DPYSL3: variants seen among roughly 807,000 people sequenced by gnomAD.
DPYSL3 encodes dihydropyrimidinase-related protein 3.
In DPYSL3, 16 loss-of-function variants were observed where a neutral mutation model predicts 66.1. That is an observed-to-expected ratio of 0.24 (90% CI 0.16 to 0.37). The LOEUF is 0.37. DPYSL3 is among the 10% of genes least tolerant of loss of function. DPYSL3 has a pLI of 1.00. For missense variants in DPYSL3, 738 were observed against 916.2 expected, an observed-to-expected ratio of 0.81 and a Z score of 2.51; for synonymous variants, 338 against 345.1, an observed-to-expected ratio of 0.98 and a Z score of 0.23.
intron 1 of DPYSL3, among the ~76,000 whole-genome samples, chr5:147,458,408 A>C (rs1181340269): frequency 6.6e-6 from 1 of 152,218 alleles, no homozygotes. Context: ...GGAGGCATGA[A>C]TAATCCACCC....
At chr5:147,506,462 T>A (rs1445692370) in intron 1 of DPYSL3, among the ~76,000 whole-genome samples, 2 of 152,146 alleles carry the variant, frequency 1.3e-5, no homozygotes, top group African/African-American at 4.8e-5. Context: ...CACTTCGCCA[T>A]GGTCATATCC....
chr5:147,429,015 C>T (rs566073960), intron 1 of DPYSL3, among the ~76,000 whole-genome samples: 3 of 152,302 alleles, frequency 2.0e-5, no homozygotes, highest in African/African-American at 7.2e-5. Flanking sequence ...TGGGCCTCTT[C>T]ACCTTCTGTT....
intron 1 of DPYSL3, among the ~76,000 whole-genome samples, chr5:147,487,430 T>G (rs1753350533): frequency 6.6e-6 from 1 of 152,162 alleles, no homozygotes; most frequent in Non-Finnish European, 1.5e-5. Context: ...TACCTCAAAT[T>G]TTGGAATCTT....
chr5:147,396,572 A>C (rs1757980349), intron 12 of DPYSL3, among the ~76,000 whole-genome samples: 1 of 152,158 alleles, frequency 6.6e-6, no homozygotes, highest in Admixed American at 6.5e-5. Flanking sequence ...CTTCCCTGTT[A>C]GTGACTCAAA....
intron 1 of DPYSL3, among the ~76,000 whole-genome samples, chr5:147,432,357 G>A (rs905333391): frequency 6.6e-6 from 1 of 152,198 alleles, no homozygotes; most frequent in African/African-American, 2.4e-5. Context: ...TGGCTGCTCT[G>A]TTGTCTGAAC....
intron 12 of DPYSL3, among the ~76,000 whole-genome samples, chr5:147,396,837 A>G (rs1757989606): frequency 6.8e-6 from 1 of 147,094 alleles, no homozygotes; most frequent in Non-Finnish European, 1.5e-5. Context: ...ATACAAACAC[A>G]TATATATACG....
At chr5:147,401,725 T>C in intron 8 of DPYSL3, 29 bp from the exon 9 acceptor site, 2 of 1,613,386 alleles carry the variant, frequency 1.2e-6, no homozygotes, top group South Asian at 2.2e-5. Flanking sequence ...AGACAAGGGG[T>C]TAGCATAAAG....
intron 8 of DPYSL3, among the ~76,000 whole-genome samples, chr5:147,402,432 C>T (rs188129302): frequency 0.018 from 2,433 of 135,632 alleles, 67 homozygotes; most frequent in Non-Finnish European, 0.023. Flanking sequence ...ACTGCAAGCT[C>T]CGCCTCCCGG....
At chr5:147,495,549 G>C (rs1166354059) in intron 1 of DPYSL3, among the ~76,000 whole-genome samples, 1 of 152,140 alleles carries the variant, frequency 6.6e-6, no homozygotes, top group Non-Finnish European at 1.5e-5. Flanking sequence ...CTTCAGCAAA[G>C]TCTCAGGATA....
chr5:147,394,178 G>A, intron 13 of DPYSL3, 55 bp from the exon 14 acceptor site: 1 of 1,573,588 alleles, frequency 6.4e-7, no homozygotes, highest in Non-Finnish European at 8.7e-7. Flanking sequence ...GGCGGGTAGG[G>A]GGATGTGGGC....
intron 1 of DPYSL3, among the ~76,000 whole-genome samples, chr5:147,465,906 A>G (rs1024155558): frequency 6.6e-6 from 1 of 152,132 alleles, no homozygotes; most frequent in Non-Finnish European, 1.5e-5. Context: ...CGATCCAGGA[A>G]CACTCCCGAA....
chr5:147,444,565 C>G (rs1261045507), intron 1 of DPYSL3, among the ~76,000 whole-genome samples: 1 of 152,118 alleles, frequency 6.6e-6, no homozygotes, highest in Non-Finnish European at 1.5e-5. Flanking sequence ...GTTTTTGGTT[C>G]CATGAATATA....
Position 147,397,897 on chromosome 5 carries a change from C to A in DPYSL3, c.1624-52G>T, listed in dbSNP as rs375080336. ...CACAGTAAGGGTAGAGAAAGAGGAA[C>A]GTACCTTCTCTCCTTGAGACCTTCA... On this transcript the variant is annotated intron_variant, in intron 11 of 13. Coordinates refer to ENST00000343218, the MANE Select transcript of DPYSL3 (RefSeq NM_001197294.2). The A allele has an allele frequency of 5.0e-5, 41 of 812,268 alleles. No homozygotes were observed. In the African/African-American group the frequency reaches 7.4e-4, roughly 15 times the overall value. 50.3% of individuals were successfully genotyped at this position (812,268 alleles called of 1,614,324 possible). A position where few individuals can be genotyped will look rare whatever the true frequency, so the allele number is the denominator to read the frequency against.
At chr5:147,476,400 T>C (rs7734086) in intron 1 of DPYSL3, among the ~76,000 whole-genome samples, 82,302 of 151,908 alleles carry the variant, frequency 0.54, 23,005 homozygotes, top group African/African-American at 0.67. Context: ...ATCATTTAGT[T>C]CTTCCAATGC....
chr5:147,453,570 C>T (rs201601413), intron 1 of DPYSL3: 2 of 1,540,586 alleles, frequency 1.3e-6, no homozygotes, highest in Non-Finnish European at 1.8e-6. Flanking sequence ...GGATGTTCTT[C>T]TTGCCTTGGT....
At chr5:147,405,165 C>A (rs78799738) in intron 8 of DPYSL3, among the ~76,000 whole-genome samples, 2 of 152,140 alleles carry the variant, frequency 1.3e-5, no homozygotes, top group Admixed American at 1.3e-4. Context: ...ACACCTAATA[C>A]CATTGTTGAG....
Position 147,467,785 on chromosome 5 carries a change from G to A in DPYSL3, c.381+41693C>T, listed in dbSNP as rs116730769. Among the ~76,000 whole-genome samples, 267 of 152,280 alleles carry A rather than the reference G, an allele frequency of 1.8e-3. 1 individual carries two copies. The highest frequency in any genetic ancestry group is 2.6e-3 in the Admixed American group (40 of 15,296). On this transcript the variant is annotated intron_variant, in intron 1 of 13. Coordinates refer to ENST00000343218, the MANE Select transcript of DPYSL3 (RefSeq NM_001197294.2). ...GCTATAACAAAATATCTTAGACTGC[G>A]TAATGTACAAACAACAGAAATTTAT... is the stretch of plus-strand genomic sequence containing the variant.
intron 10 of DPYSL3, among the ~76,000 whole-genome samples, 174 bp downstream of exon 10, chr5:147,400,518 C>T (rs886828796): frequency 1.3e-5 from 2 of 152,206 alleles, no homozygotes; most frequent in Non-Finnish European, 2.9e-5. Context: ...GGATTCATCA[C>T]ACTAGAAGGA....
chr5:147,435,725 A>G lies in DPYSL3; in HGVS notation c.382-10762T>C, dbSNP rs1752402344. On this transcript the variant is annotated intron_variant, in intron 1 of 13. Transcript: ENST00000343218. ...TAGAAACAGCAAGTGGCAGGGGGAA[A>G]AAAAACAAAACAAAATAAGAAAAGA... Among the ~76,000 whole-genome samples, 3 of 152,356 alleles carry G rather than the reference A, an allele frequency of 2.0e-5. No individual in the cohort carries two copies. In the South Asian group the frequency reaches 6.2e-4, roughly 32 times the overall value.
Sources: allele counts gnomAD v4.1 joint callset (sites outside exome capture counted in the v4.1 genomes callset), GRCh38; gene constraint gnomAD v4.1.1; transcripts MANE v1.5; gene names NCBI Gene and HGNC (gene_info 2026-07-23, HGNC 2026-07-21).